Variants in ADAM18 observed in about 807,000 individuals in gnomAD.
The protein encoded by ADAM18 is disintegrin and metalloproteinase domain-containing protein 18.
ADAM18 carries 117 observed loss-of-function variants against 94.4 expected under a neutral mutation model. The observed-to-expected ratio is 1.24, with a 90% CI of 1.07 to 1.45. The LOEUF is 1.45. Among genes scored for constraint, ADAM18 ranks in the 40% most tolerant of loss-of-function variants. The probability of loss-of-function intolerance (pLI) is 0.00; values close to 1 mark genes in which losing one functional copy is unlikely to be tolerated. For missense variants in ADAM18, 936 were observed against 880.0 expected (o/e 1.06, Z -0.81); for synonymous variants, 327 against 291.6 (o/e 1.12, Z -1.24).
intron 12 of ADAM18, among the ~76,000 whole-genome samples, chr8:39,660,071 A>G (rs1202007345): frequency 1.3e-5 from 2 of 152,136 alleles, no homozygotes; most frequent in Non-Finnish European, 2.9e-5. Flanking sequence ...TGTAAGCCTT[A>G]TGATAACCAC....
chr8:39,687,755 G>T (rs1028565407), intron 16 of ADAM18, among the ~76,000 whole-genome samples: 10 of 152,022 alleles, frequency 6.6e-5, no homozygotes, highest in Non-Finnish European at 1.2e-4. Flanking sequence ...GTTTGCTTAG[G>T]ATAATATCCT....
At chr8:39,627,031 C>T (rs955904132) in intron 6 of ADAM18, among the ~76,000 whole-genome samples, 2 of 152,014 alleles carry the variant, frequency 1.3e-5, no homozygotes, top group Non-Finnish European at 2.9e-5. Context: ...CTGTCTATCT[C>T]TTTTCATAGG....
intron 13 of ADAM18, among the ~76,000 whole-genome samples, chr8:39,664,974 C>A (rs1481733140): frequency 1.3e-5 from 2 of 151,712 alleles, no homozygotes; most frequent in East Asian, 3.9e-4. Context: ...TACTAAAATT[C>A]TGTTAGTGAA....
chr8:39,693,172 T>C lies in ADAM18; in HGVS notation c.1902+492T>C, dbSNP rs192178271. 7.1e-4 allele frequency among the ~76,000 whole-genome samples: 108 copies of C among 151,726 alleles called. 1 individual carries two copies. Among genetic ancestry groups the C allele is most frequent in the Non-Finnish European group, 5.2e-4 (35 of 67,534 alleles). ...TAAATTTGTTACTTTTATATTGCAG[T>C]TCCATTTATTAAAATTTATAATTTG... is the stretch of plus-strand genomic sequence containing the variant. On this transcript the variant is annotated intron_variant, in intron 17 of 19. Coordinates refer to ENST00000265707, the MANE Select transcript of ADAM18 (RefSeq NM_014237.3).
chr8:39,645,073 T>C (rs568446126), intron 10 of ADAM18, among the ~76,000 whole-genome samples: 1 of 152,160 alleles, frequency 6.6e-6, no homozygotes, highest in African/African-American at 2.4e-5. Flanking sequence ...TGTTGTATTG[T>C]ATCAGAAATA....
intron 6 of ADAM18, among the ~76,000 whole-genome samples, chr8:39,615,424 A>G (rs1190894452): frequency 6.6e-6 from 1 of 152,188 alleles, no homozygotes; most frequent in Non-Finnish European, 1.5e-5. Flanking sequence ...AAGATACAAC[A>G]TACCAGAATC....
At chr8:39,684,723 A>T (rs896621677) in intron 16 of ADAM18, among the ~76,000 whole-genome samples, 1 of 152,202 alleles carries the variant, frequency 6.6e-6, no homozygotes, top group Admixed American at 6.5e-5. Flanking sequence ...ACCACTTCTT[A>T]TATAGTTTCT....
intron 15 of ADAM18, 63 bp downstream of exon 15, chr8:39,677,599 C>G (rs1821334692): frequency 1.6e-6 from 2 of 1,231,272 alleles, no homozygotes; most frequent in African/African-American, 3.1e-5. Flanking sequence ...TATCAAGAGA[C>G]ACTAAGTAGT....
At chr8:39,669,474 C>A (rs868145504) in intron 14 of ADAM18, among the ~76,000 whole-genome samples, 167 of 111,220 alleles carry the variant, frequency 1.5e-3, no homozygotes, top group Middle Eastern at 6.0e-3. Flanking sequence ...CTCCCCCCAC[C>A]CCACAACAGT....
chr8:39,700,879 C>G (rs1458140183), intron 17 of ADAM18, among the ~76,000 whole-genome samples: 1 of 151,486 alleles, frequency 6.6e-6, no homozygotes, highest in African/African-American at 2.4e-5. Flanking sequence ...CTTTGGGAGG[C>G]CGAGGCGGGC....
At chr8:39,624,682 C>T (rs1483179686) in intron 6 of ADAM18, among the ~76,000 whole-genome samples, 1 of 152,128 alleles carries the variant, frequency 6.6e-6, no homozygotes, top group African/African-American at 2.4e-5. Context: ...GGTGGGGCCT[C>T]GTGGAAGGTG....
chr8:39,617,299 A>C (rs1819470818), intron 6 of ADAM18, among the ~76,000 whole-genome samples: 1 of 152,222 alleles, frequency 6.6e-6, no homozygotes, highest in African/African-American at 2.4e-5. Flanking sequence ...ATGAGATACC[A>C]TTCCACACCA....
At chr8:39,610,444 T>A in intron 5 of ADAM18, 85 bp from the exon 6 acceptor site, 1 of 1,403,026 alleles carries the variant, frequency 7.1e-7, no homozygotes, top group Non-Finnish European at 9.4e-7. Context: ...GTTTTTTAAT[T>A]TCTTATGCCA....
chr8:39,623,857 A>G (rs933499312), intron 6 of ADAM18, among the ~76,000 whole-genome samples: 1 of 152,056 alleles, frequency 6.6e-6, no homozygotes, highest in African/African-American at 2.4e-5. Flanking sequence ...TGGCCTCCCA[A>G]AGTGCTGGGA....
chr8:39,608,930 G>T, intron 3 of ADAM18, 112 bp from the exon 4 acceptor site: 1 of 661,550 alleles, frequency 1.5e-6, no homozygotes. Context: ...ATTAAATCAT[G>T]CCATTATATA....
intron 17 of ADAM18, among the ~76,000 whole-genome samples, chr8:39,706,188 C>G (rs1375233939): frequency 6.6e-6 from 1 of 152,062 alleles, no homozygotes; most frequent in Non-Finnish European, 1.5e-5. Flanking sequence ...ATGTTAACTT[C>G]TAGCAATGGA....
intron 6 of ADAM18, among the ~76,000 whole-genome samples, chr8:39,615,490 G>A (rs900482715): frequency 3.1e-4 from 47 of 152,168 alleles, no homozygotes; most frequent in African/African-American, 1.1e-3. Flanking sequence ...AGCAGATACA[G>A]AAAAGACTTT....
At chr8:39,637,476 A>G in intron 8 of ADAM18, 61 bp from the exon 9 acceptor site, 1 of 1,449,226 alleles carries the variant, frequency 6.9e-7, no homozygotes, top group Non-Finnish European at 9.3e-7. Context: ...TTATTTTTTA[A>G]TGTACCTTTT....
At chr8:39,631,261 A>T (rs2129579117) in intron 7 of ADAM18, among the ~76,000 whole-genome samples, 1 of 152,078 alleles carries the variant, frequency 6.6e-6, no homozygotes, top group Non-Finnish European at 1.5e-5. Context: ...GTTTTTAAGA[A>T]ATATTTTCTT....
Sources: gnomAD v4.1 joint callset for allele counts (sites outside exome capture counted in the v4.1 genomes callset) on GRCh38, gnomAD v4.1.1 for gene constraint, MANE v1.5 for transcripts, NCBI Gene and HGNC (gene_info 2026-07-23, HGNC 2026-07-21) for gene names.